HNRNPF: variants seen among roughly 807,000 people sequenced by gnomAD.
HNRNPF encodes the protein heterogeneous nuclear ribonucleoprotein F.
A neutral mutation model predicts 26.0 loss-of-function variants in HNRNPF; 2 were observed. The observed-to-expected ratio is 0.08, with a 90% CI of 0.03 to 0.24. The LOEUF (loss-of-function observed/expected upper bound fraction) is 0.24, where lower values mean the gene tolerates loss of function less well. Ranked by LOEUF, HNRNPF falls within the 10% of genes least tolerant of loss-of-function variation. HNRNPF has a pLI of 1.00. For missense variants in HNRNPF, 299 were observed against 539.2 expected (o/e 0.55, Z 4.41); for synonymous variants, 234 against 211.5 (o/e 1.11, Z -0.92).
Position 43,387,954 on chromosome 10 carries a change from A to G in HNRNPF, c.-52-18T>C. ...TTTTGTGGCTGGAAAAAAAAAAAAG[A>G]AAAATTTATTTAGTATGCAACAGAA... On this transcript the variant is annotated intron_variant, in intron 3 of 3. Transcript: ENST00000682386. The surrounding 1 kb of genome is among the most constrained non-coding windows in gnomAD (Gnocchi z 6.0). 7.6e-7 allele frequency: 1 copy of G among 1,312,826 alleles called. No individual in the cohort carries two copies. The highest frequency in any genetic ancestry group is 1.1e-6 in the Non-Finnish European group (1 of 950,584). The allele number at this position is 1,312,826 out of a possible 1,614,324, so 81.3% of individuals were successfully genotyped here.
intron 3 of HNRNPF, among the ~76,000 whole-genome samples, chr10:43,391,747 T>C (rs150235287): frequency 1.3e-5 from 2 of 152,310 alleles, no homozygotes; most frequent in African/African-American, 4.8e-5. Flanking sequence ...CAACCTCACA[T>C]ACCCCGGAGC....
In HNRNPF at chr10:43,386,682, G is replaced by A. The variant is rs763567033; in HGVS notation, c.1203C>T (p.Tyr401=). The A allele has an allele frequency of 4.4e-5, 70 of 1,593,288 alleles. No individual in the cohort carries two copies. The highest frequency in any genetic ancestry group is 1.6e-4 in the South Asian group (14 of 87,858). Residue 401 remains tyrosine (Y), a synonymous_variant, in exon 4 of 4, where the codon TAC becomes TAT. Transcript: ENST00000682386. ...TGTTCTGCCCACTGTAGCCGGCCCC[G>A]TAACAGCCACTCACTGACTGGCTCT... is the stretch of plus-strand genomic sequence containing the variant. ...GLESQSVSGC[Y]GAGYSGQNSM...
chr10:43,385,933 T>A lies in HNRNPF; in HGVS notation c.*704A>T, dbSNP rs1306579229. ...TCATAGATTTGATGTATGAAATTTT[T>A]AAATTCACACTAAAATACATTACGA... is the stretch of plus-strand genomic sequence containing the variant. On this transcript the variant is annotated 3_prime_UTR_variant, in exon 4 of 4. Transcript: ENST00000682386. 2.0e-5 allele frequency: 3 copies of A among 152,686 alleles called. No individual in the cohort carries two copies. The highest frequency in any genetic ancestry group is 4.4e-5 in the Non-Finnish European group (3 of 68,052). The allele number at this position is 152,686 out of a possible 1,614,324, so 9.5% of individuals were successfully genotyped here. A position where few individuals can be genotyped will look rare whatever the true frequency, so the allele number is the denominator to read the frequency against.
rs1205848913 is a variant in HNRNPF, at chr10:43,386,121, GA to G, written c.*515del. Reference sequence around the variant, plus strand: ...ACCCAAAAGGAAATCACAGTACAAAGAAAGTTTTAAGTCAAGGCCTCACCAA... The same window carrying G: ...ACCCAAAAGGAAATCACAGTACAAAGAAGTTTTAAGTCAAGGCCTCACCAA... On this transcript the variant is annotated 3_prime_UTR_variant, in exon 4 of 4. Coordinates refer to ENST00000682386, the MANE Select transcript of HNRNPF (RefSeq NM_001098204.2). 27 of 152,746 alleles carry G rather than the reference GA, an allele frequency of 1.8e-4. No homozygotes were observed. Among genetic ancestry groups the G allele is most frequent in the African/African-American group, 6.5e-4 (27 of 41,554 alleles). The allele number at this position is 152,746 out of a possible 1,614,324, so 9.5% of individuals were successfully genotyped here.
intron 3 of HNRNPF, among the ~76,000 whole-genome samples, chr10:43,393,885 T>A (rs1333678063): frequency 6.6e-6 from 1 of 152,188 alleles, no homozygotes; most frequent in African/African-American, 2.4e-5. Flanking sequence ...TCATGGTTAA[T>A]TCTCTCCCCA....
intron 1 of HNRNPF, among the ~76,000 whole-genome samples, chr10:43,402,992 C>T (rs1838799744): frequency 6.6e-6 from 1 of 152,060 alleles, no homozygotes; most frequent in East Asian, 1.9e-4. Context: ...CAAGTGTTCG[C>T]TATCATACCT....
intron 1 of HNRNPF, chr10:43,397,424 A>T (rs1004988382): frequency 6.6e-5 from 10 of 152,304 alleles, no homozygotes; most frequent in Non-Finnish European, 1.5e-4. Flanking sequence ...GGGCGGCGGG[A>T]AGACATTTCT....
At chr10:43,392,082 A>G (rs1838272589) in intron 3 of HNRNPF, among the ~76,000 whole-genome samples, 1 of 152,130 alleles carries the variant, frequency 6.6e-6, no homozygotes, top group African/African-American at 2.4e-5. Flanking sequence ...CGCCTCTACC[A>G]AAAATACAAA....
intron 1 of HNRNPF, among the ~76,000 whole-genome samples, chr10:43,401,573 A>G (rs1338295683): frequency 6.6e-6 from 1 of 152,218 alleles, no homozygotes; most frequent in Non-Finnish European, 1.5e-5. Context: ...GGCAAATATC[A>G]TTATTTGGAT....
chr10:43,404,999 T>G (rs1317338862), intron 1 of HNRNPF, among the ~76,000 whole-genome samples: 4 of 152,128 alleles, frequency 2.6e-5, no homozygotes, highest in Non-Finnish European at 4.4e-5. Context: ...TGGAGCCTTT[T>G]AAGAAAGGGG....
At chr10:43,404,285 A>G (rs1432625050) in intron 1 of HNRNPF, among the ~76,000 whole-genome samples, 1 of 142,348 alleles carries the variant, frequency 7.0e-6, no homozygotes. Flanking sequence ...TGGGTGACAG[A>G]GTGAGAATCC....
At chr10:43,404,628 C>T (rs1006710213) in intron 1 of HNRNPF, among the ~76,000 whole-genome samples, 2 of 151,958 alleles carry the variant, frequency 1.3e-5, no homozygotes, top group Admixed American at 6.6e-5. Context: ...GAGGCTGAGG[C>T]GGGTGGATCA....
intron 1 of HNRNPF, among the ~76,000 whole-genome samples, chr10:43,399,288 A>C (rs951541194): frequency 9.9e-5 from 15 of 152,086 alleles, no homozygotes; most frequent in African/African-American, 3.6e-4. Context: ...AGGTCTCTCT[A>C]TGATGCCCAG....
intron 3 of HNRNPF, among the ~76,000 whole-genome samples, chr10:43,391,174 T>TC (rs1364554255): frequency 3.9e-5 from 6 of 151,958 alleles, no homozygotes; most frequent in Admixed American, 2.6e-4. Context: ...GCACCTGTAG[T>TC]CCCAGCTACT....
intron 1 of HNRNPF, chr10:43,408,668 GTCCCC>G (rs1839007934): frequency 6.6e-6 from 1 of 152,090 alleles, no homozygotes; most frequent in Non-Finnish European, 1.5e-5. Context: ...GGGGGACCCG[GTCCCC>G]GCTAGGTCCC....
chr10:43,407,430 G>A (rs1838959003), intron 1 of HNRNPF, among the ~76,000 whole-genome samples: 1 of 152,076 alleles, frequency 6.6e-6, no homozygotes, highest in Non-Finnish European at 1.5e-5. Context: ...ACGCGGAGCC[G>A]AGCGGGGGTC....
rs751204617 is a variant in HNRNPF, at chr10:43,388,000, G to A, written c.-52-64C>T. On this transcript the variant is annotated intron_variant, in intron 3 of 3. Transcript: ENST00000682386. This position sits in a 1 kb window ranked among gnomAD's most constrained non-coding sequence, Gnocchi z 6.0. ...CAGAAATTTTCCCCATTTTACAGAC[G>A]AGAGAGGTAGCAAGACATTAAGAAA... The A allele has an allele frequency of 1.0e-5, 8 of 795,134 alleles. No homozygotes were observed. The highest frequency in any genetic ancestry group is 2.7e-5 in the East Asian group (1 of 37,490). The allele number at this position is 795,134 out of a possible 1,614,324, so 49.3% of individuals were successfully genotyped here.
Position 43,399,432 on chromosome 10 carries a change from G to A in HNRNPF, c.-246-2842C>T, listed in dbSNP as rs78089346. Reference sequence around the variant, plus strand: ...CAGTCACCATAGGGTTCCTGCCTGTGAGGGAACAATGTGTGCAGAAGACTT... The same window carrying A: ...CAGTCACCATAGGGTTCCTGCCTGTAAGGGAACAATGTGTGCAGAAGACTT... On this transcript the variant is annotated intron_variant, in intron 1 of 3. Coordinates refer to ENST00000682386, the MANE Select transcript of HNRNPF (RefSeq NM_001098204.2). Among the ~76,000 whole-genome samples the A allele has an allele frequency of 3.2e-3, 488 of 152,290 alleles. 19 individuals carry two copies. The East Asian group carries it at 0.078, about 24-fold the overall frequency.
At chr10:43,403,402 C>G (rs1287285839) in intron 1 of HNRNPF, among the ~76,000 whole-genome samples, 2 of 152,176 alleles carry the variant, frequency 1.3e-5, no homozygotes, top group African/African-American at 2.4e-5. Flanking sequence ...AATTTTTACA[C>G]TTACATCTAC....
Sources: allele counts gnomAD v4.1 joint callset (sites outside exome capture counted in the v4.1 genomes callset), GRCh38; gene constraint gnomAD v4.1.1; non-coding constraint Gnocchi (gnomAD v3.1); transcripts MANE v1.5; gene names NCBI Gene and HGNC (gene_info 2026-07-23, HGNC 2026-07-21).